Variants in CPSF2 observed in about 807,000 individuals in gnomAD.
CPSF2 encodes the protein cleavage and polyadenylation specific factor 2, also known as cleavage and polyadenylation specificity factor subunit 2.
A neutral mutation model predicts 84.2 loss-of-function variants in CPSF2; 51 were observed. That is an observed-to-expected ratio of 0.61 (90% confidence interval 0.48 to 0.77). CPSF2 has a LOEUF of 0.77. Among genes scored for constraint, CPSF2 ranks in the 30% least tolerant of loss-of-function variants. CPSF2 has a pLI of 0.00. For missense variants in CPSF2, 641 were observed against 929.4 expected, an observed-to-expected ratio of 0.69 and a Z score of 4.03; for synonymous variants, 286 against 311.9, an observed-to-expected ratio of 0.92 and a Z score of 0.87.
In CPSF2 at chr14:92,167,737, G is replaced by T. The variant is rs2069467247; in HGVS notation, c.*5993G>T. 6.6e-6 allele frequency: 1 copy of T among 151,250 alleles called. No individual in the cohort carries two copies. The highest frequency in any genetic ancestry group is 1.5e-5 in the Non-Finnish European group (1 of 67,914). The allele number at this position is 151,250 out of a possible 1,614,324, so 9.4% of individuals were successfully genotyped here. On this transcript the variant is annotated 3_prime_UTR_variant, in exon 16 of 16. Transcript: ENST00000298875. ...TCCAGTAAAGGTCGGGGGAGAAAGA[G>T]TAAATCTTATCTTCTTCTGTACTTT...
intron 2 of CPSF2, 28 bp downstream of exon 2, chr14:92,126,208 T>C (rs1325987271): frequency 6.6e-6 from 1 of 152,254 alleles, no homozygotes; most frequent in Non-Finnish European, 1.5e-5. Flanking sequence ...GATAAAGATA[T>C]AGCTTTATTA....
At chr14:92,156,426 TA>T in intron 11 of CPSF2, 52 bp from the exon 12 acceptor site, 1 of 1,478,934 alleles carries the variant, frequency 6.8e-7, no homozygotes, top group Non-Finnish European at 9.2e-7. Context: ...TCATATATGT[TA>T]TGTAGTATTA....
At chr14:92,152,656 C>T (rs972319413) in intron 9 of CPSF2, among the ~76,000 whole-genome samples, 5 of 151,870 alleles carry the variant, frequency 3.3e-5, no homozygotes, top group Non-Finnish European at 7.4e-5. Context: ...CCAGGCTGGT[C>T]TCGGACTCCT....
rs139202642 is a variant in CPSF2 at position 92,152,237 on chromosome 14, C to T, written c.1141-2121C>T. ...CTCCGCCTCCCAGGTTCAAGTGATT[C>T]TCCTGCCTCAGCCTCCCTAGTAGCT... is the stretch of plus-strand genomic sequence containing the variant. On this transcript the variant is annotated intron_variant, in intron 9 of 15. Coordinates refer to ENST00000298875, the MANE Select transcript of CPSF2 (RefSeq NM_017437.3). 5.7e-3 allele frequency among the ~76,000 whole-genome samples: 861 copies of T among 152,154 alleles called. 5 individuals carry two copies. Among genetic ancestry groups the T allele is most frequent in the African/African-American group, 0.018 (758 of 41,524 alleles).
In CPSF2 at chr14:92,138,405, A is replaced by G. The variant is rs1413983087; in HGVS notation, c.661+58A>G. On this transcript the variant is annotated intron_variant, in intron 7 of 15. Transcript: ENST00000298875. ...TTATTTTGTAACTTTTTGTATATTT[A>G]GGGAATATAAGTACATAAAAGTACA... 4 of 866,918 alleles carry G rather than the reference A, an allele frequency of 4.6e-6. No homozygotes were observed. The African/African-American group carries it at 7.3e-5, about 16-fold the overall frequency. The allele number at this position is 866,918 out of a possible 1,614,324, so 53.7% of individuals were successfully genotyped here. A position where few individuals can be genotyped will look rare whatever the true frequency, so the allele number is the denominator to read the frequency against.
At chr14:92,128,415 G>A (rs2068869843) in intron 2 of CPSF2, among the ~76,000 whole-genome samples, 1 of 152,146 alleles carries the variant, frequency 6.6e-6, no homozygotes, top group Admixed American at 6.5e-5. Context: ...CCCGGGAGAT[G>A]GAGGTGGCAG....
intron 11 of CPSF2, among the ~76,000 whole-genome samples, 192 bp from the exon 12 acceptor site, chr14:92,156,287 C>A (rs2069288811): frequency 6.6e-6 from 1 of 151,106 alleles, no homozygotes; most frequent in Non-Finnish European, 1.5e-5. Flanking sequence ...GACTCTACCT[C>A]AAAAAAAACC....
At position 92,169,755 on chromosome 14, in the gene CPSF2, A is replaced by G. The variant is rs2069495781; in HGVS notation, c.*8011A>G. 1 of 151,864 alleles carries G rather than the reference A, an allele frequency of 6.6e-6. No homozygotes were observed. The highest frequency in any genetic ancestry group is 6.6e-5 in the Admixed American group (1 of 15,204). The allele number at this position is 151,864 out of a possible 1,614,324, so 9.4% of individuals were successfully genotyped here. ...TTTTATCTAATTACTGCCTATTAAGAAAAGCTTCACATTTATTTCAGCTAT... is the reference window on the plus strand; with the variant it reads ...TTTTATCTAATTACTGCCTATTAAGGAAAGCTTCACATTTATTTCAGCTAT... On this transcript the variant is annotated 3_prime_UTR_variant, in exon 16 of 16. Transcript: ENST00000298875.
At chr14:92,152,189 G>C (rs1346416731) in intron 9 of CPSF2, among the ~76,000 whole-genome samples, 1 of 151,986 alleles carries the variant, frequency 6.6e-6, no homozygotes, top group Non-Finnish European at 1.5e-5. Flanking sequence ...GAGCGCAATG[G>C]TGCCATCTCG....
rs1466153887 is a variant in CPSF2, at chr14:92,138,331, A to G, written c.645A>G (p.Arg215=). 6.4e-7 allele frequency: 1 copy of G among 1,563,656 alleles called. No individual in the cohort carries two copies. The highest frequency in any genetic ancestry group is 1.9e-5 in the Admixed American group (1 of 53,562). The change falls in exon 7 of 16, where the codon AGA becomes AGG. Residue 215 remains arginine (R), a synonymous_variant. Coordinates refer to ENST00000298875, the MANE Select transcript of CPSF2 (RefSeq NM_017437.3). The part of the protein sequence containing the change: ...ATYVQPRRKQ[R]DEQLLTNVLE... The stretch of plus-strand genomic sequence containing the variant: ...ATGTACAGCCTAGAAGAAAACAGAG[A>G]GATGAGCAGCTTCTGAGTACGTATT...
At chr14:92,134,891 T>C (rs1259947178) in intron 5 of CPSF2, among the ~76,000 whole-genome samples, 1 of 152,210 alleles carries the variant, frequency 6.6e-6, no homozygotes, top group South Asian at 2.1e-4. Context: ...TAATGGACTC[T>C]GAAGATTTAG....
At position 92,142,994 on chromosome 14, in the gene CPSF2, C is replaced by G. The variant is rs1320351052; in HGVS notation, c.850-10C>G. ...ATTTCTAATTCTTGTCATCTTTCCC[C>G]CCATGTTAGGTAGAATGGATGAGTG... is the stretch of plus-strand genomic sequence containing the variant. On this transcript the variant is annotated splice_polypyrimidine_tract_variant and intron_variant, in intron 8 of 15. Coordinates refer to ENST00000298875, the MANE Select transcript of CPSF2 (RefSeq NM_017437.3). 10 of 1,587,148 alleles carry G rather than the reference C, an allele frequency of 6.3e-6. No individual in the cohort carries two copies. The highest frequency in any genetic ancestry group is 2.2e-5 in the East Asian group (1 of 44,616).
intron 10 of CPSF2, 23 bp downstream of exon 10, chr14:92,154,481 A>G: frequency 6.8e-7 from 1 of 1,477,416 alleles, no homozygotes; most frequent in Non-Finnish European, 9.2e-7. Flanking sequence ...CAGACAGATT[A>G]TAAATTTATG....
In CPSF2 at chr14:92,161,263, T is replaced by TA. The variant is rs2069368172; in HGVS notation, c.2256+19dup. 5 of 1,604,432 alleles carry TA rather than the reference T, an allele frequency of 3.1e-6. No homozygotes were observed. In the Admixed American group the frequency reaches 8.8e-5, roughly 28 times the overall value. On this transcript the variant is annotated intron_variant, in intron 15 of 15. Transcript: ENST00000298875. ...GTCCGCAGAGTAAGTGTGTTTTCAATAAGGGCTGAATTGAACACATACGTC... is the reference window on the plus strand; with the variant it reads ...GTCCGCAGAGTAAGTGTGTTTTCAATAAAGGGCTGAATTGAACACATACGTC...
chr14:92,135,474 G>T lies in CPSF2; in HGVS notation c.523G>T (p.Asp175Tyr). 1.2e-6 allele frequency: 2 copies of T among 1,613,402 alleles called. No homozygotes were observed. Among genetic ancestry groups the T allele is most frequent in the South Asian group, 2.2e-5 (2 of 90,966 alleles). Residue 175 changes from aspartate (D) to tyrosine (Y), a missense_variant, in exon 6 of 16, where the codon GAC (aspartate) becomes TAC (tyrosine). Coordinates refer to ENST00000298875, the MANE Select transcript of CPSF2 (RefSeq NM_017437.3). ...DGEEEIVYAV[D>Y]FNHKREIHLN... ...AGAAGAAGAAATTGTTTATGCAGTT[G>T]ACTTCAACCACAAGAGGGAGATGTA...
rs1009992038 is a variant in CPSF2 at position 92,169,946 on chromosome 14, TGGGCA to T, written c.*8203_*8207del. 1 of 152,200 alleles carries T rather than the reference TGGGCA, an allele frequency of 6.6e-6. No homozygotes were observed. The highest frequency in any genetic ancestry group is 1.5e-5 in the Non-Finnish European group (1 of 68,100). The allele number at this position is 152,200 out of a possible 1,614,324, so 9.4% of individuals were successfully genotyped here. A position where few individuals can be genotyped will look rare whatever the true frequency, so the allele number is the denominator to read the frequency against. The stretch of plus-strand genomic sequence containing the variant: ...TGAGCTCAGGAGTTTGAGACCAACC[TGGGCA>T]ACATAGTGAGAACTCATCTCTATTA... On this transcript the variant is annotated 3_prime_UTR_variant, in exon 16 of 16. Coordinates refer to ENST00000298875, the MANE Select transcript of CPSF2 (RefSeq NM_017437.3).
chr14:92,147,212 CA>C (rs1441200644), intron 9 of CPSF2, among the ~76,000 whole-genome samples: 3 of 151,868 alleles, frequency 2.0e-5, no homozygotes, highest in East Asian at 1.9e-4. Context: ...CATGAATAAT[CA>C]AAAAAGTGAA....
intron 1 of CPSF2, among the ~76,000 whole-genome samples, chr14:92,123,510 C>T (rs1057355319): frequency 3.9e-5 from 6 of 151,936 alleles, no homozygotes; most frequent in African/African-American, 1.5e-4. Flanking sequence ...GTAATCCTCC[C>T]ACCTCAGCCT....
At chr14:92,127,325 G>A (rs1201042044) in intron 2 of CPSF2, among the ~76,000 whole-genome samples, 1 of 152,162 alleles carries the variant, frequency 6.6e-6, no homozygotes, top group Non-Finnish European at 1.5e-5. Context: ...ATTAGAGACA[G>A]GGAAAATATA....
Sources: gnomAD v4.1 joint callset for allele counts (sites outside exome capture counted in the v4.1 genomes callset) on GRCh38, gnomAD v4.1.1 for gene constraint, MANE v1.5 for transcripts, NCBI Gene and HGNC (gene_info 2026-07-23, HGNC 2026-07-21) for gene names.